CCDC141: variants seen among roughly 807,000 people sequenced by gnomAD.
The protein encoded by CCDC141 is coiled-coil domain-containing protein 141.
In CCDC141, 168 loss-of-function variants were observed where a neutral mutation model predicts 181.0. The ratio of observed to expected loss-of-function variants is 0.93; its 90% CI spans 0.82 to 1.05. The LOEUF (loss-of-function observed/expected upper bound fraction) is 1.05, where lower values mean the gene tolerates loss of function less well. CCDC141 is among the 50% of genes least tolerant of loss of function. The probability of loss-of-function intolerance (pLI) is 0.00; values close to 1 mark genes in which losing one functional copy is unlikely to be tolerated. For synonymous variants in CCDC141, 666 were observed against 642.3 expected (o/e 1.04, Z -0.56); for missense variants, 1,902 against 1,788.5 (o/e 1.06, Z -1.14).
chr2:178,970,251 C>A (rs1028424433), intron 4 of CCDC141, among the ~76,000 whole-genome samples: 49 of 152,180 alleles, frequency 3.2e-4, no homozygotes, highest in African/African-American at 1.1e-3. Flanking sequence ...TGACTTTCTT[C>A]ACAGAATTGG....
At chr2:178,948,662 G>C (rs1461346337) in intron 5 of CCDC141, among the ~76,000 whole-genome samples, 1 of 152,298 alleles carries the variant, frequency 6.6e-6, no homozygotes, top group Middle Eastern at 3.4e-3. Flanking sequence ...CTCATGAATA[G>C]ATTAATGCCC....
chr2:179,036,055 C>T (rs1485587790), intron 2 of CCDC141, among the ~76,000 whole-genome samples: 1 of 152,212 alleles, frequency 6.6e-6, no homozygotes, highest in African/African-American at 2.4e-5. Flanking sequence ...ATTTGGTGTT[C>T]CAGCAACAAA....
intron 2 of CCDC141, among the ~76,000 whole-genome samples, chr2:178,986,763 A>T (rs1262057246): frequency 6.6e-6 from 1 of 152,042 alleles, no homozygotes; most frequent in African/African-American, 2.4e-5. Flanking sequence ...CGTACAAGGG[A>T]TGTGAAGGAC....
chr2:178,874,243 A>C (rs1209935174), intron 12 of CCDC141: 5 of 152,232 alleles, frequency 3.3e-5, no homozygotes, highest in Non-Finnish European at 7.3e-5. Flanking sequence ...GTTGCTAACC[A>C]ATAAATTTCC....
chr2:179,002,706 G>A, intron 2 of CCDC141: 1 of 159,366 alleles, frequency 6.3e-6, no homozygotes, highest in Non-Finnish European at 1.4e-5. Flanking sequence ...TATGCCAGGA[G>A]CAGATTTTCA....
chr2:178,815,551 C>T, the CCDC141 span, among the ~76,000 whole-genome samples: 1 of 152,306 alleles, frequency 6.6e-6, no homozygotes, highest in Admixed American at 6.5e-5. Context: ...GATTTGGGGA[C>T]ACTTGCAGTA....
chr2:179,042,756 T>A (rs1185218391), intron 2 of CCDC141, among the ~76,000 whole-genome samples: 1 of 152,048 alleles, frequency 6.6e-6, no homozygotes, highest in Non-Finnish European at 1.5e-5. Flanking sequence ...AATGCCGACA[T>A]CATAAAGCTA....
intron 2 of CCDC141, among the ~76,000 whole-genome samples, chr2:178,981,992 GA>G (rs1334281597): frequency 6.6e-6 from 1 of 151,764 alleles, no homozygotes; most frequent in Non-Finnish European, 1.5e-5. Context: ...ATATTAAAAG[GA>G]TAAAAAGGAA....
intron 11 of CCDC141, 67 bp downstream of exon 11, chr2:178,884,834 C>T (rs1423554037): frequency 6.1e-6 from 8 of 1,312,284 alleles, no homozygotes; most frequent in Admixed American, 4.1e-5. Flanking sequence ...GAGCATATAT[C>T]CCCACAGAAA....
intron 19 of CCDC141, among the ~76,000 whole-genome samples, chr2:178,854,541 T>G (rs1561638029): frequency 6.6e-6 from 1 of 151,844 alleles, no homozygotes; most frequent in Non-Finnish European, 1.5e-5. Context: ...AATAAATAAA[T>G]AAATAACTGT....
rs139638220 is a variant in CCDC141, at chr2:179,013,699, G to A, written c.225+33585C>T. Among the ~76,000 whole-genome samples, 673 of 152,130 alleles carry A rather than the reference G, an allele frequency of 4.4e-3. 5 individuals carry two copies. Among genetic ancestry groups the A allele is most frequent in the African/African-American group, 0.015 (642 of 41,514 alleles). On this transcript the variant is annotated intron_variant, in intron 2 of 23. Coordinates refer to ENST00000443758, the MANE Select transcript of CCDC141 (RefSeq NM_173648.4). ...AGAATAAATCTAGACAGGGCGCAGT[G>A]GCTCATGCCTATAATTCCAGCACTT... is the stretch of plus-strand genomic sequence containing the variant.
At chr2:178,819,130 T>G in the CCDC141 span, among the ~76,000 whole-genome samples, 1 of 152,134 alleles carries the variant, frequency 6.6e-6, no homozygotes, top group Non-Finnish European at 1.5e-5. Context: ...ACAGAAGTAA[T>G]AAAGACGACA....
At chr2:178,966,259 G>A (rs1350478587) in intron 4 of CCDC141, among the ~76,000 whole-genome samples, 1 of 152,184 alleles carries the variant, frequency 6.6e-6, no homozygotes, top group African/African-American at 2.4e-5. Context: ...CACAGCATTC[G>A]AGCTCTGATA....
In CCDC141 at chr2:179,005,830, G is replaced by C. The variant is rs182461872; in HGVS notation, c.226-27155C>G. On this transcript the variant is annotated intron_variant, in intron 2 of 23. Transcript: ENST00000443758. ...TCACCATGTTGGCCAGGCTGGTCTC[G>C]AATTCCTGACCTCAAGTGATCCACC... Among the ~76,000 whole-genome samples, 8 of 152,164 alleles carry C rather than the reference G, an allele frequency of 5.3e-5. No homozygotes were observed. The East Asian group carries it at 1.5e-3, about 29-fold the overall frequency.
chr2:178,964,193 A>G (rs973455316), intron 4 of CCDC141, among the ~76,000 whole-genome samples: 8 of 152,192 alleles, frequency 5.3e-5, no homozygotes, highest in African/African-American at 1.9e-4. Context: ...CTCCTTTTAT[A>G]TATAGAGGGA....
At chr2:178,941,958 C>CAAAAAAAAAAAAAAAAA (rs66903231) in intron 6 of CCDC141, among the ~76,000 whole-genome samples, 1 of 71,496 alleles carries the variant, frequency 1.4e-5, no homozygotes, top group Non-Finnish European at 2.3e-5. Context: ...GATCCCATCT[C>CAAAAAAAAAAAAAAAAA]AAAAAAAAAA....
intron 22 of CCDC141, among the ~76,000 whole-genome samples, chr2:178,844,573 G>C (rs1684857235): frequency 6.6e-6 from 1 of 152,150 alleles, no homozygotes; most frequent in African/African-American, 2.4e-5. Flanking sequence ...AGTCGCTCAA[G>C]ACCCTACCAC....
intron 6 of CCDC141, among the ~76,000 whole-genome samples, chr2:178,919,272 C>A (rs1688586529): frequency 6.6e-6 from 1 of 152,150 alleles, no homozygotes; most frequent in African/African-American, 2.4e-5. Flanking sequence ...GACAAAGACA[C>A]CTCTTTTTAT....
intron 11 of CCDC141, among the ~76,000 whole-genome samples, chr2:178,880,420 A>T (rs1183520490): frequency 6.6e-6 from 1 of 151,936 alleles, no homozygotes; most frequent in Non-Finnish European, 1.5e-5. Flanking sequence ...GTGAAGGGGG[A>T]AATATAGGAG....
Sources: allele counts gnomAD v4.1 joint callset (sites outside exome capture counted in the v4.1 genomes callset), GRCh38; gene constraint gnomAD v4.1.1; transcripts MANE v1.5; gene names NCBI Gene and HGNC (gene_info 2026-07-23, HGNC 2026-07-21).